Variants in GABBR2 observed in about 807,000 individuals in gnomAD.
GABBR2 encodes G-protein coupled receptor 51.
A neutral mutation model predicts 105.6 loss-of-function variants in GABBR2; 23 were observed. The ratio of observed to expected loss-of-function variants is 0.22; its 90% confidence interval spans 0.16 to 0.31. The LOEUF (loss-of-function observed/expected upper bound fraction) is 0.31, where lower values mean the gene tolerates loss of function less well. Among genes scored for constraint, GABBR2 ranks in the 10% least tolerant of loss-of-function variants. The pLI is 1.00. For missense variants in GABBR2, 734 were observed against 1,245.5 expected, an observed-to-expected ratio of 0.59 and a Z score of 6.18; for synonymous variants, 478 against 499.7, an observed-to-expected ratio of 0.96 and a Z score of 0.58.
At chr9:98,484,622 G>T (rs1827003839) in intron 4 of GABBR2, among the ~76,000 whole-genome samples, 1 of 152,154 alleles carries the variant, frequency 6.6e-6, no homozygotes, top group Non-Finnish European at 1.5e-5. Context: ...TAAACAGTTT[G>T]AGGTGCTTCT....
At chr9:98,648,118 TAGATAGATAGATAG>T (rs1382346691) in intron 1 of GABBR2, among the ~76,000 whole-genome samples, 13 of 142,138 alleles carry the variant, frequency 9.1e-5, no homozygotes, top group African/African-American at 3.5e-4. Context: ...TGTGTGTGTA[TAGATAGATAGATAG>T]ATAGATAGAT....
chr9:98,688,394 CATATATAT>C (rs34589145), intron 1 of GABBR2, among the ~76,000 whole-genome samples: 1 of 140,462 alleles, frequency 7.1e-6, no homozygotes, highest in African/African-American at 2.7e-5. Context: ...TATGTGGTTT[CATATATAT>C]ATATATATAA....
intron 1 of GABBR2, among the ~76,000 whole-genome samples, chr9:98,671,035 C>A (rs565721981): frequency 1.3e-5 from 2 of 152,158 alleles, no homozygotes; most frequent in Admixed American, 1.3e-4. Context: ...AAAATGCAAC[C>A]TAAATATACC....
At chr9:98,455,800 C>T (rs1488929723) in intron 6 of GABBR2, among the ~76,000 whole-genome samples, 1 of 152,206 alleles carries the variant, frequency 6.6e-6, no homozygotes, top group Non-Finnish European at 1.5e-5. Context: ...ACACAGATGC[C>T]TGGGGATGAG....
chr9:98,665,125 C>T (rs1830316440), intron 1 of GABBR2, among the ~76,000 whole-genome samples: 1 of 151,936 alleles, frequency 6.6e-6, no homozygotes, highest in African/African-American at 2.4e-5. Context: ...AAAAATTAGC[C>T]CAGTGTGGTG....
intron 1 of GABBR2, among the ~76,000 whole-genome samples, chr9:98,643,472 G>T (rs944523451): frequency 3.3e-5 from 5 of 152,242 alleles, no homozygotes; most frequent in African/African-American, 1.2e-4. Context: ...TTCACTGATA[G>T]AAAGATTTTA....
chr9:98,619,847 G>A (rs530568724), intron 1 of GABBR2, among the ~76,000 whole-genome samples: 7 of 152,266 alleles, frequency 4.6e-5, no homozygotes, highest in African/African-American at 1.4e-4. Flanking sequence ...AGGAAGGGTC[G>A]CAGTGTGGGG....
At chr9:98,444,156 A>G (rs1296277715) in intron 7 of GABBR2, among the ~76,000 whole-genome samples, 1 of 152,228 alleles carries the variant, frequency 6.6e-6, no homozygotes, top group African/African-American at 2.4e-5. Context: ...TCATTAAACA[A>G]ATATTTATCA....
chr9:98,635,763 T>A (rs1014636439), intron 1 of GABBR2, among the ~76,000 whole-genome samples: 2 of 152,260 alleles, frequency 1.3e-5, no homozygotes, highest in African/African-American at 4.8e-5. Flanking sequence ...TATTTGCAAA[T>A]CAAAGAGATA....
chr9:98,622,523 AC>A (rs35864736), intron 1 of GABBR2, among the ~76,000 whole-genome samples: 103,032 of 151,910 alleles, frequency 0.68, 35,840 homozygotes, highest in Middle Eastern at 0.81. Flanking sequence ...CTAGCTATGT[AC>A]TGCAGTCTAG....
chr9:98,464,366 T>C (rs1826497838), intron 6 of GABBR2, among the ~76,000 whole-genome samples: 1 of 144,350 alleles, frequency 6.9e-6, no homozygotes, highest in African/African-American at 2.6e-5. Flanking sequence ...GGCCGCCCCC[T>C]CTGGGAAGTG....
chr9:98,615,865 G>C (rs186062294), intron 1 of GABBR2, among the ~76,000 whole-genome samples: 2 of 152,298 alleles, frequency 1.3e-5, no homozygotes, highest in East Asian at 3.9e-4. Flanking sequence ...CCAGAGCCTG[G>C]CTGCCTGCCT....
At chr9:98,600,736 C>G (rs1829317336) in intron 1 of GABBR2, among the ~76,000 whole-genome samples, 1 of 152,232 alleles carries the variant, frequency 6.6e-6, no homozygotes, top group African/African-American at 2.4e-5. Context: ...CGTGGCCCCT[C>G]ACACCTAGCC....
intron 6 of GABBR2, among the ~76,000 whole-genome samples, chr9:98,461,378 G>A (rs1275116110): frequency 6.6e-6 from 1 of 152,126 alleles, no homozygotes; most frequent in Non-Finnish European, 1.5e-5. Flanking sequence ...TAGACCAAAG[G>A]AAGATAAATG....
intron 1 of GABBR2, among the ~76,000 whole-genome samples, chr9:98,651,868 A>T (rs957830849): frequency 6.6e-6 from 1 of 152,226 alleles, no homozygotes; most frequent in Non-Finnish European, 1.5e-5. Flanking sequence ...ATTTTTTTAT[A>T]TTAAAGAATT....
chr9:98,699,715 TCAGCAACTAACC>T (rs1830804075), intron 1 of GABBR2, among the ~76,000 whole-genome samples: 1 of 152,142 alleles, frequency 6.6e-6, no homozygotes, highest in African/African-American at 2.4e-5. Flanking sequence ...CCCTGTGGTC[TCAGCAACTAACC>T]CAGCACCAAA....
intron 1 of GABBR2, among the ~76,000 whole-genome samples, chr9:98,684,169 TAAAAA>T (rs3032196): frequency 3.2e-4 from 21 of 66,142 alleles, no homozygotes; most frequent in East Asian, 2.1e-3. Context: ...TTTACCACGG[TAAAAA>T]AAAAAAAAAA....
intron 5 of GABBR2, among the ~76,000 whole-genome samples, chr9:98,477,613 A>G (rs1232817229): frequency 6.6e-6 from 1 of 152,162 alleles, no homozygotes; most frequent in Non-Finnish European, 1.5e-5. Flanking sequence ...AGAGTGGGCC[A>G]TCCTGAGTTC....
rs573905031 is a variant in GABBR2, at chr9:98,577,643, C to T, written c.459+292G>A. The stretch of plus-strand genomic sequence containing the variant: ...GGAAGGAGCAGGAGATAACACTGGG[C>T]AGGCAGGTTGGACTGGCATCAGTGG... On this transcript the variant is annotated intron_variant, in intron 2 of 18. Coordinates refer to ENST00000259455, the MANE Select transcript of GABBR2 (RefSeq NM_005458.8). Among the ~76,000 whole-genome samples, 19 of 152,258 alleles carry T rather than the reference C, an allele frequency of 1.2e-4. 1 individual carries two copies. The South Asian group carries it at 3.7e-3, about 30-fold the overall frequency.
Sources: gnomAD v4.1 joint callset for allele counts (sites outside exome capture counted in the v4.1 genomes callset) on GRCh38, gnomAD v4.1.1 for gene constraint, MANE v1.5 for transcripts, NCBI Gene and HGNC (gene_info 2026-07-23, HGNC 2026-07-21) for gene names.